Variants in LIN7C observed in about 807,000 individuals in gnomAD.
LIN7C encodes the protein lin-7 cell polarity scaffold C, also known as protein lin-7 homolog C.
Under a neutral mutation model 24.7 loss-of-function variants are expected in LIN7C, and 17 were observed. The observed-to-expected ratio is 0.69, with a 90% confidence interval of 0.47 to 1.03. LIN7C has a LOEUF of 1.03. Among genes scored for constraint, LIN7C ranks in the 50% least tolerant of loss-of-function variants. The pLI, the probability that LIN7C is intolerant of heterozygous loss-of-function variation, is 0.00. For synonymous variants in LIN7C, 90 were observed against 83.4 expected (o/e 1.08, Z -0.43); for missense variants, 204 against 239.0 (o/e 0.85, Z 0.97).
At position 27,494,496 on chromosome 11, in the gene LIN7C, GT is replaced by G. The variant is rs777595817; in HGVS notation, c.*4152del. 3.9e-5 allele frequency: 6 copies of G among 152,248 alleles called. No homozygotes were observed. The highest frequency in any genetic ancestry group is 1.4e-4 in the African/African-American group (6 of 41,536). 9.4% of individuals were successfully genotyped at this position (152,248 alleles called of 1,614,324 possible). ...CATTTCAGCAGCCACCAGGAATTAT[GT>G]TTTTTTATACATACCTTTCATAAAC... On this transcript the variant is annotated 3_prime_UTR_variant, in exon 5 of 5. Transcript: ENST00000278193.
In LIN7C at chr11:27,506,668, C is replaced by A. The variant is rs752608845; in HGVS notation, c.37+48G>T. ...CCTCCTCCCCTCCAGCGACACAGCA[C>A]TCCCCCAACCCTTCCGCCCACCTCC... On this transcript the variant is annotated intron_variant, in intron 1 of 4. Coordinates refer to ENST00000278193, the MANE Select transcript of LIN7C (RefSeq NM_018362.4). The A allele has an allele frequency of 6.8e-6, 11 of 1,607,066 alleles. No individual in the cohort carries two copies. In the East Asian group the frequency reaches 2.5e-4, roughly 36 times the overall value.
Position 27,495,504 on chromosome 11 carries a change from A to G in LIN7C, c.*3145T>C. The G allele has an allele frequency of 6.6e-6, 1 of 152,066 alleles. No individual in the cohort carries two copies. Among genetic ancestry groups the G allele is most frequent in the Non-Finnish European group, 1.5e-5 (1 of 68,114 alleles). 9.4% of individuals were successfully genotyped at this position (152,066 alleles called of 1,614,324 possible). On this transcript the variant is annotated 3_prime_UTR_variant, in exon 5 of 5. Coordinates refer to ENST00000278193, the MANE Select transcript of LIN7C (RefSeq NM_018362.4). ...AAACAAAAACAAAAAACAAAAAAAA[A>G]ATTTGAATCGTCAAATCCTAAAGAA...
At position 27,498,609 on chromosome 11, in the gene LIN7C, T is replaced by C; in HGVS notation, c.*40A>G. 1 of 1,587,896 alleles carries C rather than the reference T, an allele frequency of 6.3e-7. No homozygotes were observed. The highest frequency in any genetic ancestry group is 8.6e-7 in the Non-Finnish European group (1 of 1,164,420). On this transcript the variant is annotated 3_prime_UTR_variant, in exon 5 of 5. Coordinates refer to ENST00000278193, the MANE Select transcript of LIN7C (RefSeq NM_018362.4). ...TAGTAAGTCACAAGGAAAACTTCTC[T>C]AGCTAAAACGCAAAATGAAATATCA... is the stretch of plus-strand genomic sequence containing the variant.
In LIN7C at chr11:27,500,688, C is replaced by T. The variant is rs544460258; in HGVS notation, c.228+807G>A. Among the ~76,000 whole-genome samples, 34 of 152,068 alleles carry T rather than the reference C, an allele frequency of 2.2e-4. 1 individual carries two copies. Among genetic ancestry groups the T allele is most frequent in the African/African-American group, 7.2e-4 (30 of 41,470 alleles). On this transcript the variant is annotated intron_variant, in intron 3 of 4. Transcript: ENST00000278193. Reference sequence around the variant, plus strand: ...AAGAAATCAAGATTTACTGAATACCCGTTATCTTCGAAGCTCTGAAAAAGG... The same window carrying T: ...AAGAAATCAAGATTTACTGAATACCTGTTATCTTCGAAGCTCTGAAAAAGG...
intron 4 of LIN7C, 89 bp downstream of exon 4, chr11:27,499,270 A>C: frequency 9.4e-7 from 1 of 1,065,968 alleles, no homozygotes; most frequent in Non-Finnish European, 1.4e-6. Context: ...TTTCTAAACC[A>C]CAAGTTTCTT....
rs1590442517 is a variant in LIN7C, at chr11:27,501,993, A to G, written c.38-73T>C. 7.9e-6 allele frequency: 7 copies of G among 891,554 alleles called. No individual in the cohort carries two copies. In the East Asian group the frequency reaches 1.7e-4, roughly 22 times the overall value. The allele number at this position is 891,554 out of a possible 1,614,324, so 55.2% of individuals were successfully genotyped here. On this transcript the variant is annotated intron_variant, in intron 1 of 4. Transcript: ENST00000278193. ...ATGCCTATGTAACAGTGGGGCAGTT[A>G]GGATTCATTCCTCAAGGGCAAATAA...
chr11:27,506,292 G>A (rs926463167), intron 1 of LIN7C, among the ~76,000 whole-genome samples: 2 of 152,246 alleles, frequency 1.3e-5, no homozygotes, highest in South Asian at 2.1e-4. Context: ...AAACAGCGGG[G>A]AAAGGAGGTT....
chr11:27,499,827 C>T (rs367571407), intron 3 of LIN7C, among the ~76,000 whole-genome samples: 105 of 152,232 alleles, frequency 6.9e-4, no homozygotes, highest in African/African-American at 2.4e-3. Flanking sequence ...TGGGGTTTCA[C>T]CACATTAGCC....
chr11:27,502,650 A>G (rs931632971), intron 1 of LIN7C, among the ~76,000 whole-genome samples: 4 of 152,232 alleles, frequency 2.6e-5, no homozygotes, highest in Admixed American at 1.3e-4. Context: ...GGCAAGTTAC[A>G]TGATGTCCTT....
rs773182363 is a variant in LIN7C, at chr11:27,501,786, AATG to A, written c.156+13_156+15del. 1.8e-5 allele frequency: 27 copies of A among 1,505,026 alleles called. No individual in the cohort carries two copies. Among genetic ancestry groups the A allele is most frequent in the Non-Finnish European group, 1.8e-5 (20 of 1,090,564 alleles). 93.2% of individuals were successfully genotyped at this position (1,505,026 alleles called of 1,614,324 possible). On this transcript the variant is annotated intron_variant, in intron 2 of 4. Transcript: ENST00000278193. The stretch of plus-strand genomic sequence containing the variant: ...ATTAACTCAAATTTTTGTAAATTTT[AATG>A]ATGTTTACTCACCTCTCTCACAGCA...
intron 4 of LIN7C, among the ~76,000 whole-genome samples, chr11:27,499,071 A>G (rs1865196518): frequency 1.3e-5 from 2 of 152,170 alleles, no homozygotes; most frequent in Admixed American, 6.5e-5. Flanking sequence ...ATTTCAGTAG[A>G]TCAAGCAATT....
rs1012670349 is a variant in LIN7C at position 27,495,834 on chromosome 11, C to T, written c.*2815G>A. 2 of 151,602 alleles carry T rather than the reference C, an allele frequency of 1.3e-5. No homozygotes were observed. Among genetic ancestry groups the T allele is most frequent in the Non-Finnish European group, 2.9e-5 (2 of 67,960 alleles). The allele number at this position is 151,602 out of a possible 1,614,324, so 9.4% of individuals were successfully genotyped here. A position where few individuals can be genotyped will look rare whatever the true frequency, so the allele number is the denominator to read the frequency against. On this transcript the variant is annotated 3_prime_UTR_variant, in exon 5 of 5. Transcript: ENST00000278193. ...TTATTCCTAAAAGAAATTACTTGGC[C>T]AGGTGCAGTGGCTCACGCCTATAAT...
intron 4 of LIN7C, 102 bp from the exon 5 acceptor site, chr11:27,498,906 A>G: frequency 1.0e-6 from 1 of 976,520 alleles, no homozygotes; most frequent in Non-Finnish European, 1.5e-6. Context: ...GAAAAGTTTT[A>G]ATGTTATATT....
chr11:27,498,438 T>C lies in LIN7C; in HGVS notation c.*211A>G. 2.0e-6 allele frequency: 1 copy of C among 488,776 alleles called. No homozygotes were observed. 30.3% of individuals were successfully genotyped at this position (488,776 alleles called of 1,614,324 possible). A position where few individuals can be genotyped will look rare whatever the true frequency, so the allele number is the denominator to read the frequency against. On this transcript the variant is annotated 3_prime_UTR_variant, in exon 5 of 5. Coordinates refer to ENST00000278193, the MANE Select transcript of LIN7C (RefSeq NM_018362.4). Reference sequence around the variant, plus strand: ...TAAAAACAGTAGGACAGAATTGCCCTCATCACCTTTTACTTTTTCTTGTCA... The same window carrying C: ...TAAAAACAGTAGGACAGAATTGCCCCCATCACCTTTTACTTTTTCTTGTCA...
rs1865189166 is a variant in LIN7C, at chr11:27,498,231, A to C, written c.*418T>G. 1 of 153,770 alleles carries C rather than the reference A, an allele frequency of 6.5e-6. No individual in the cohort carries two copies. The highest frequency in any genetic ancestry group is 1.4e-5 in the Non-Finnish European group (1 of 69,300). The allele number at this position is 153,770 out of a possible 1,614,324, so 9.5% of individuals were successfully genotyped here. A position where few individuals can be genotyped will look rare whatever the true frequency, so the allele number is the denominator to read the frequency against. On this transcript the variant is annotated 3_prime_UTR_variant, in exon 5 of 5. Transcript: ENST00000278193. ...CTGTAAAGAAATTTCACAGGTTAAA[A>C]AAAATAGAGTAAGCAAAAAAAAAGA...
In LIN7C at chr11:27,506,698, A is replaced by G. The variant is rs771591320; in HGVS notation, c.37+18T>C. 6.2e-7 allele frequency: 1 copy of G among 1,613,678 alleles called. No individual in the cohort carries two copies. The highest frequency in any genetic ancestry group is 8.5e-7 in the Non-Finnish European group (1 of 1,179,922). ...CCAACCCTTCCGCCCACCTCCGCCG[A>G]GCCTCGGCTGCACTCACCTCTCTCC... On this transcript the variant is annotated intron_variant, in intron 1 of 4. Coordinates refer to ENST00000278193, the MANE Select transcript of LIN7C (RefSeq NM_018362.4).
chr11:27,501,835 G>C lies in LIN7C; in HGVS notation c.123C>G (p.Val41=). 1.2e-6 allele frequency: 2 copies of C among 1,612,072 alleles called. No individual in the cohort carries two copies. Among genetic ancestry groups the C allele is most frequent in the Non-Finnish European group, 1.7e-6 (2 of 1,178,288 alleles). ...CAGCATTGCAGAATTCACTTTGAAGGACTCTTTGCAAAGCCTGAAGTTTCT... is the reference window on the plus strand; with the variant it reads ...CAGCATTGCAGAATTCACTTTGAAGCACTCTTTGCAAAGCCTGAAGTTTCT... ...PPQKLQALQR[V]LQSEFCNAVR... is the part of the protein sequence containing the mutation. Residue 41 remains valine, a synonymous_variant, in exon 2 of 5, where the codon GTC becomes GTG. Coordinates refer to ENST00000278193, the MANE Select transcript of LIN7C (RefSeq NM_018362.4).
At chr11:27,501,617 T>TGTAGTTAAAATTTCAGGC in intron 2 of LIN7C, 51 bp from the exon 3 acceptor site, 1 of 1,021,540 alleles carries the variant, frequency 9.8e-7, no homozygotes, top group Non-Finnish European at 1.5e-6. Context: ...GAGTTCTCTG[T>TGTAGTTAAAATTTCAGGC]GAAGTTAAAA....
chr11:27,506,166 A>G (rs551277602), intron 1 of LIN7C, among the ~76,000 whole-genome samples: 2 of 152,372 alleles, frequency 1.3e-5, no homozygotes, highest in East Asian at 3.9e-4. Context: ...AGACCAAGTC[A>G]GTAGGATTGT....
Sources: allele counts gnomAD v4.1 joint callset (sites outside exome capture counted in the v4.1 genomes callset), GRCh38; gene constraint gnomAD v4.1.1; transcripts MANE v1.5; gene names NCBI Gene and HGNC (gene_info 2026-07-23, HGNC 2026-07-21).